BRIP1: variants seen among roughly 807,000 people sequenced by gnomAD.
BRIP1 encodes Fanconi anemia group J protein.
In BRIP1, 88 loss-of-function variants were observed where a neutral mutation model predicts 119.7. The observed-to-expected ratio is 0.74, with a 90% CI of 0.62 to 0.88. The LOEUF (loss-of-function observed/expected upper bound fraction) is 0.88. Ranked by LOEUF, BRIP1 falls within the 40% of genes least tolerant of loss-of-function variation. BRIP1 has a pLI of 0.00. For missense variants in BRIP1, 1,259 were observed against 1,455.4 expected, an observed-to-expected ratio of 0.87 and a Z score of 2.20; for synonymous variants, 443 against 496.5, an observed-to-expected ratio of 0.89 and a Z score of 1.43.
At chr17:61,733,147 G>A (rs1382376194) in intron 16 of BRIP1, among the ~76,000 whole-genome samples, 2 of 152,046 alleles carry the variant, frequency 1.3e-5, no homozygotes, top group Non-Finnish European at 2.9e-5. Context: ...ATTTTCTCGT[G>A]AATATTCATA....
In BRIP1 at chr17:61,756,540, T is replaced by C. The variant is rs6504068; in HGVS notation, c.2098-11949A>G. Among the ~76,000 whole-genome samples, 1 of 152,116 alleles carries C rather than the reference T, an allele frequency of 6.6e-6. No individual in the cohort carries two copies. Among genetic ancestry groups the C allele is most frequent in the African/African-American group, 2.4e-5 (1 of 41,514 alleles). ...TGTTAACCTCAGAGGCAATTTTTTT[T>C]AAAGTCAGATCTCACAAACTAAAAG... On this transcript the variant is annotated intron_variant, in intron 14 of 19. Coordinates refer to ENST00000259008, the MANE Select transcript of BRIP1 (RefSeq NM_032043.3). This position sits in a 1 kb window ranked among gnomAD's most constrained non-coding sequence, Gnocchi z 4.3.
At position 61,863,403 on chromosome 17, in the gene BRIP1, C is replaced by A. The variant is rs1470139098; in HGVS notation, c.-150G>T. ...TGGAAGAGAAGAAAGGGCACGAGCC[C>A]TTCCTCCTCCCTCTTCCTGGGGGTG... On this transcript the variant is annotated 5_prime_UTR_variant, in exon 1 of 20. It adds an upstream start codon to the 5' untranslated region. Transcript: ENST00000259008. The A allele has an allele frequency of 6.6e-6, 1 of 152,280 alleles. No individual in the cohort carries two copies. The highest frequency in any genetic ancestry group is 2.4e-5 in the African/African-American group (1 of 41,422). The allele number at this position is 152,280 out of a possible 1,614,324, so 9.4% of individuals were successfully genotyped here.
chr17:61,818,239 A>G (rs2078268014), intron 6 of BRIP1, among the ~76,000 whole-genome samples: 1 of 151,962 alleles, frequency 6.6e-6, no homozygotes, highest in Non-Finnish European at 1.5e-5. Context: ...ATATTTCTAT[A>G]GATGTAAGAA....
At chr17:61,697,868 T>C (rs1258554525) in intron 17 of BRIP1, among the ~76,000 whole-genome samples, 5 of 152,066 alleles carry the variant, frequency 3.3e-5, no homozygotes, top group Non-Finnish European at 5.9e-5. Flanking sequence ...TGCAGTGGCA[T>C]GATCTCAGCT....
In BRIP1 at chr17:61,832,679, G is replaced by C. The variant is rs1214678244; in HGVS notation, c.627+14422C>G. ...ACAGTCAAGGAAAGACTGAAGAAGT[G>C]TTCCAGACTGAAGAAGTTACTAAAG... On this transcript the variant is annotated intron_variant, in intron 6 of 19. Coordinates refer to ENST00000259008, the MANE Select transcript of BRIP1 (RefSeq NM_032043.3). The surrounding 1 kb of genome is among the most constrained non-coding windows in gnomAD (Gnocchi z 5.5). Among the ~76,000 whole-genome samples, 1 of 151,314 alleles carries C rather than the reference G, an allele frequency of 6.6e-6. No homozygotes were observed. Among genetic ancestry groups the C allele is most frequent in the African/African-American group, 2.5e-5 (1 of 40,616 alleles).
In BRIP1 at chr17:61,775,484, G is replaced by A. The variant is rs572218880; in HGVS notation, c.2097+917C>T. Among the ~76,000 whole-genome samples, 2 of 152,238 alleles carry A rather than the reference G, an allele frequency of 1.3e-5. No individual in the cohort carries two copies. Among genetic ancestry groups the A allele is most frequent in the African/African-American group, 4.8e-5 (2 of 41,538 alleles). ...GGTATAACTTCCTGTGGAAAAAAGA[G>A]AAGGGAACGCCACTTCTCTACATTG... On this transcript the variant is annotated intron_variant, in intron 14 of 19. Transcript: ENST00000259008. The surrounding 1 kb of genome is among the most constrained non-coding windows in gnomAD (Gnocchi z 4.4).
At position 61,787,994 on chromosome 17, in the gene BRIP1, A is replaced by G. The variant is rs1420268964; in HGVS notation, c.1474-3570T>C. On this transcript the variant is annotated intron_variant, in intron 10 of 19. Coordinates refer to ENST00000259008, the MANE Select transcript of BRIP1 (RefSeq NM_032043.3). ...ATAAACAACGCACTGGAAGTCTGAGACAGCATAGTAAGAAATAAAAACATG... is the reference window on the plus strand; with the variant it reads ...ATAAACAACGCACTGGAAGTCTGAGGCAGCATAGTAAGAAATAAAAACATG... 2.6e-5 allele frequency among the ~76,000 whole-genome samples: 4 copies of G among 152,140 alleles called. 1 individual carries two copies. In the South Asian group the frequency reaches 6.2e-4, roughly 24 times the overall value.
rs1314483179 is a variant in BRIP1 at position 61,722,970 on chromosome 17, GAAATGAACTGTATAT to G, written c.2380-6922_2380-6908del. ...ACTCCCAAACAAAAAACAAAACCCT[GAAATGAACTGTATAT>G]AAAGGTTAACTTTGAAATAGTTCTT... On this transcript the variant is annotated intron_variant, in intron 16 of 19. Transcript: ENST00000259008. The surrounding 1 kb of genome is among the most constrained non-coding windows in gnomAD (Gnocchi z 4.6). Among the ~76,000 whole-genome samples the G allele has an allele frequency of 3.3e-5, 5 of 152,030 alleles. No homozygotes were observed. The highest frequency in any genetic ancestry group is 9.7e-5 in the African/African-American group (4 of 41,410).
At chr17:61,818,548 T>C (rs1177380322) in intron 6 of BRIP1, among the ~76,000 whole-genome samples, 1 of 152,120 alleles carries the variant, frequency 6.6e-6, no homozygotes, top group Non-Finnish European at 1.5e-5. Context: ...AGTGTAAGTA[T>C]CTAGAAAAAC....
chr17:61,701,929 G>A lies in BRIP1; in HGVS notation c.2493-8417C>T, dbSNP rs1008891128. 1.2e-4 allele frequency among the ~76,000 whole-genome samples: 19 copies of A among 152,110 alleles called. No homozygotes were observed. The highest frequency in any genetic ancestry group is 2.2e-4 in the Non-Finnish European group (15 of 68,016). On this transcript the variant is annotated intron_variant, in intron 17 of 19. Transcript: ENST00000259008. This position sits in a 1 kb window ranked among gnomAD's most constrained non-coding sequence, Gnocchi z 5.1. ...CTGTCAGGTTGTTGGCTTTCCTCAC[G>A]ATTTCAGGCTATTGGTTTTTAAGGC...
At chr17:61,716,260 A>C (rs536305000) in intron 16 of BRIP1, among the ~76,000 whole-genome samples, 197 bp from the exon 17 acceptor site, 22 of 152,200 alleles carry the variant, frequency 1.4e-4, no homozygotes, top group African/African-American at 5.1e-4. Flanking sequence ...AATGCATATA[A>C]CTAATCAGCT....
intron 6 of BRIP1, among the ~76,000 whole-genome samples, chr17:61,838,782 A>T (rs189743423): frequency 0.018 from 2,757 of 151,918 alleles, 25 homozygotes; most frequent in Middle Eastern, 0.027. Context: ...AAAAATATAA[A>T]AAAAAGTGAG....
chr17:61,731,855 G>A (rs1308484274), intron 16 of BRIP1, among the ~76,000 whole-genome samples: 1 of 147,996 alleles, frequency 6.8e-6, no homozygotes, highest in African/African-American at 2.5e-5. Flanking sequence ...TATAAACTGT[G>A]TTGTGTATCA....
chr17:61,821,400 G>A (rs1490604408), intron 6 of BRIP1, among the ~76,000 whole-genome samples: 1 of 150,188 alleles, frequency 6.7e-6, no homozygotes, highest in Admixed American at 6.6e-5. Context: ...GTGGAGAGGT[G>A]AGTTTTTCTT....
rs1177538836 is a variant in BRIP1, at chr17:61,774,453, G to A, written c.2097+1948C>T. On this transcript the variant is annotated intron_variant, in intron 14 of 19. Transcript: ENST00000259008. This position sits in a 1 kb window ranked among gnomAD's most constrained non-coding sequence, Gnocchi z 5.8. The stretch of plus-strand genomic sequence containing the variant: ...CCTGTTCTGGGGTGGGGGCCTAGGG[G>A]AGGGATAGCATTAGGAGAAATACCT... 6.6e-6 allele frequency among the ~76,000 whole-genome samples: 1 copy of A among 152,170 alleles called. No individual in the cohort carries two copies. Among genetic ancestry groups the A allele is most frequent in the African/African-American group, 2.4e-5 (1 of 41,442 alleles).
In BRIP1 at chr17:61,775,483, A is replaced by G. The variant is rs1004298053; in HGVS notation, c.2097+918T>C. Among the ~76,000 whole-genome samples, 1 of 152,188 alleles carries G rather than the reference A, an allele frequency of 6.6e-6. No individual in the cohort carries two copies. Among genetic ancestry groups the G allele is most frequent in the Admixed American group, 6.5e-5 (1 of 15,274 alleles). On this transcript the variant is annotated intron_variant, in intron 14 of 19. Coordinates refer to ENST00000259008, the MANE Select transcript of BRIP1 (RefSeq NM_032043.3). The surrounding 1 kb of genome is among the most constrained non-coding windows in gnomAD (Gnocchi z 4.4). ...AGGTATAACTTCCTGTGGAAAAAAGAGAAGGGAACGCCACTTCTCTACATT... is the reference window on the plus strand; with the variant it reads ...AGGTATAACTTCCTGTGGAAAAAAGGGAAGGGAACGCCACTTCTCTACATT...
At chr17:61,702,099 G>A (rs1364179052) in intron 17 of BRIP1, among the ~76,000 whole-genome samples, 1 of 152,128 alleles carries the variant, frequency 6.6e-6, no homozygotes, top group Non-Finnish European at 1.5e-5. Flanking sequence ...TTTTGATAAA[G>A]TTGCTTCTAA....
chr17:61,681,090 C>T lies in BRIP1; in HGVS notation c.*2206G>A, dbSNP rs370187046. On this transcript the variant is annotated 3_prime_UTR_variant, in exon 20 of 20. Coordinates refer to ENST00000259008, the MANE Select transcript of BRIP1 (RefSeq NM_032043.3). The surrounding 1 kb of genome is among the most constrained non-coding windows in gnomAD (Gnocchi z 5.1). ...ATAAAATCATCAGGTCTCATAAGAA[C>T]TCAGTATCACGAGAACCGCATGAGG... Among the ~76,000 whole-genome samples the T allele has an allele frequency of 6.6e-6, 1 of 152,078 alleles. No homozygotes were observed. Among genetic ancestry groups the T allele is most frequent in the African/African-American group, 2.4e-5 (1 of 41,418 alleles).
chr17:61,821,820 G>A (rs1044699543), intron 6 of BRIP1, among the ~76,000 whole-genome samples: 3 of 151,950 alleles, frequency 2.0e-5, no homozygotes, highest in East Asian at 1.9e-4. Flanking sequence ...CAACCTCCTC[G>A]GCTCAAGTGA....
Sources: allele counts gnomAD v4.1 joint callset (sites outside exome capture counted in the v4.1 genomes callset), GRCh38; gene constraint gnomAD v4.1.1; non-coding constraint Gnocchi (gnomAD v3.1); transcripts MANE v1.5; gene names NCBI Gene and HGNC (gene_info 2026-07-23, HGNC 2026-07-21).